The following KMT2A variants were observed in gnomAD, a reference collection of about 807,000 sequenced individuals.
KMT2A encodes histone-lysine N-methyltransferase 2A.
A neutral mutation model predicts 345.3 loss-of-function variants in KMT2A; 16 were observed. That is an observed-to-expected ratio of 0.05 (90% CI 0.03 to 0.07). The LOEUF is 0.07. Among genes scored for constraint, KMT2A ranks in the 10% least tolerant of loss-of-function variants. The pLI, the probability that KMT2A is intolerant of heterozygous loss-of-function variation, is 1.00. For synonymous variants in KMT2A, 1,599 were observed against 1,778.6 expected (o/e 0.90, Z 2.54); for missense variants, 3,272 against 4,841.6 (o/e 0.68, Z 9.62).
rs1950203148 is a variant in KMT2A at position 118,484,910 on chromosome 11, T to C, written c.4267T>C (p.Leu1423=). 1 of 1,614,082 alleles carries C rather than the reference T, an allele frequency of 6.2e-7. No individual in the cohort carries two copies. Among genetic ancestry groups the C allele is most frequent in the Non-Finnish European group, 8.5e-7 (1 of 1,179,944 alleles). The change falls in exon 10 of 36, where the codon TTG becomes CTG. Residue 1423 remains leucine (L), a synonymous_variant. Coordinates refer to ENST00000534358, the MANE Select transcript of KMT2A (RefSeq NM_001197104.2). This position sits in a 1 kb window ranked among gnomAD's most constrained non-coding sequence, Gnocchi z 4.1. Reference sequence around the variant, plus strand: ...GTGGGAGATGGGAGGCTTAGGAATCTTGACTTCTGTTCCTATAACACCCAG... The same window carrying C: ...GTGGGAGATGGGAGGCTTAGGAATCCTGACTTCTGTTCCTATAACACCCAG... ...NVWEMGGLGI[L]TSVPITPRVV... is the part of the protein sequence containing the mutation.
Position 118,481,769 on chromosome 11 carries a change from A to G in KMT2A, c.3689A>G (p.Glu1230Gly). 6.2e-7 allele frequency: 1 copy of G among 1,614,082 alleles called. No individual in the cohort carries two copies. The highest frequency in any genetic ancestry group is 8.5e-7 in the Non-Finnish European group (1 of 1,179,982). Residue 1230 changes from glutamate (E) to glycine (G), a missense_variant, in exon 7 of 36, where the codon GAG becomes GGG. By Grantham distance (98) the Glu-to-Gly change is moderately conservative (BLOSUM62 -2). Around this residue, in one of 27 missense-constraint regions of KMT2A, gnomAD observed 168 missense variants for 216.0 expected, o/e 0.78. Transcript: ENST00000534358. Reference protein sequence around the residue: ...SKTSEKKDSKESSVVKNVVDS... With the variant: ...SKTSEKKDSKGSSVVKNVVDS... The stretch of plus-strand genomic sequence containing the variant: ...ACCAGTGAAAAGAAAGACAGCAAAG[A>G]GAGCAGTGTTGTGAAGAACGTGGTG...
Position 118,521,820 on chromosome 11 carries a change from A to G in KMT2A, c.11644-77A>G, listed in dbSNP as rs1555053642. 6.8e-7 allele frequency: 1 copy of G among 1,476,862 alleles called. No individual in the cohort carries two copies. The highest frequency in any genetic ancestry group is 1.4e-5 in the African/African-American group (1 of 72,198). 91.5% of individuals were successfully genotyped at this position (1,476,862 alleles called of 1,614,324 possible). ...TTCTCAGCCGCTATAGGTAACATCA[A>G]GAGAAGATTGGGACATGTTCTTAAA... On this transcript the variant is annotated intron_variant, in intron 35 of 35. Coordinates refer to ENST00000534358, the MANE Select transcript of KMT2A (RefSeq NM_001197104.2). This position sits in a 1 kb window ranked among gnomAD's most constrained non-coding sequence, Gnocchi z 5.3.
intron 6 of KMT2A, among the ~76,000 whole-genome samples, chr11:118,481,381 T>C (rs1249430569): frequency 6.6e-6 from 1 of 152,238 alleles, no homozygotes; most frequent in Non-Finnish European, 1.5e-5. Flanking sequence ...CTTATTTCAC[T>C]TAACATAATG....
In KMT2A at chr11:118,506,072, G is replaced by C. The variant is rs782235007; in HGVS notation, c.10180G>C (p.Gly3394Arg). 14 of 1,614,150 alleles carry C rather than the reference G, an allele frequency of 8.7e-6. No homozygotes were observed. The Admixed American group carries it at 2.3e-4, about 27-fold the overall frequency. The change falls in exon 27 of 36, where the codon GGG (glycine) becomes CGG (arginine). Residue 3394 changes from glycine to arginine, a missense_variant. By Grantham distance (125) the Gly-to-Arg change is moderately radical. Transcript: ENST00000534358. The stretch of plus-strand genomic sequence containing the variant: ...AATCAAAGCTAGCCAGCAGAGCCTG[G>C]GGATTCAGGACCAGCCTGTGGCTTT... ...LLIKASQQSLGIQDQPVALPP... is the reference protein window; with the variant it reads ...LLIKASQQSLRIQDQPVALPP...
rs1950299066 is a variant in KMT2A, at chr11:118,489,946, G to A, written c.4575+59G>A. 3.3e-6 allele frequency: 5 copies of A among 1,513,390 alleles called. No individual in the cohort carries two copies. In the African/African-American group the frequency reaches 6.9e-5, roughly 21 times the overall value. The allele number at this position is 1,513,390 out of a possible 1,614,324, so 93.7% of individuals were successfully genotyped here. On this transcript the variant is annotated intron_variant, in intron 12 of 35. Coordinates refer to ENST00000534358, the MANE Select transcript of KMT2A (RefSeq NM_001197104.2). The stretch of plus-strand genomic sequence containing the variant: ...ACCACCATGTGACTATTGGACTTAT[G>A]TAACTTGTATTACAAATATCTATGC...
chr11:118,479,686 A>G (rs1555038675), intron 5 of KMT2A, among the ~76,000 whole-genome samples: 1 of 152,238 alleles, frequency 6.6e-6, no homozygotes, highest in Non-Finnish European at 1.5e-5. Context: ...GTGCAATTGT[A>G]GACTTCAGAT....
At chr11:118,447,684 A>T (rs1555027561) in intron 1 of KMT2A, 1 of 451,848 alleles carries the variant, frequency 2.2e-6, no homozygotes, top group East Asian at 7.0e-5. Flanking sequence ...GACTCAAAAG[A>T]TGATTATATG....
rs1555047454 is a variant in KMT2A at position 118,504,866 on chromosome 11, A to G, written c.8974A>G (p.Met2992Val). The G allele has an allele frequency of 6.2e-7, 1 of 1,614,186 alleles. No individual in the cohort carries two copies. The highest frequency in any genetic ancestry group is 1.7e-5 in the Admixed American group (1 of 60,018). Reference protein sequence around the residue: ...PGVDPTPEGHMTPDHFIQGHM... With the variant: ...PGVDPTPEGHVTPDHFIQGHM... ...AGTAGATCCAACTCCTGAAGGCCAC[A>G]TGACTCCTGATCATTTTATCCAAGG... Residue 2992 changes from methionine to valine, a missense_variant, in exon 27 of 36, where the codon ATG (methionine) becomes GTG (valine). Around this residue, in one of 27 missense-constraint regions of KMT2A, gnomAD observed 748 missense variants for 922.2 expected, o/e 0.81. Transcript: ENST00000534358. The surrounding 1 kb of genome is among the most constrained non-coding windows in gnomAD (Gnocchi z 6.4).
intron 1 of KMT2A, among the ~76,000 whole-genome samples, chr11:118,445,071 T>C (rs1949391033): frequency 6.6e-6 from 1 of 152,114 alleles, no homozygotes. Flanking sequence ...TTTTTTTTCA[T>C]CAAAATAACT....
chr11:118,506,760 G>A, intron 27 of KMT2A, 114 bp downstream of exon 27: 2 of 1,164,248 alleles, frequency 1.7e-6, no homozygotes, highest in Non-Finnish European at 2.4e-6. Context: ...TGCATTACCT[G>A]GGAGTTTTCC....
rs559424041 is a variant in KMT2A at position 118,476,746 on chromosome 11, G to A, written c.3157-59G>A. 4.0e-4 allele frequency: 579 copies of A among 1,434,568 alleles called. 3 individuals carry two copies. In the South Asian group the frequency reaches 5.8e-3, roughly 14 times the overall value. The allele number at this position is 1,434,568 out of a possible 1,614,324, so 88.9% of individuals were successfully genotyped here. A position where few individuals can be genotyped will look rare whatever the true frequency, so the allele number is the denominator to read the frequency against. Reference sequence around the variant, plus strand: ...AATTGATTAAGTATACCTTGGCTTCGTTCAGTTATAATTTCAACATGTATG... The same window carrying A: ...AATTGATTAAGTATACCTTGGCTTCATTCAGTTATAATTTCAACATGTATG... On this transcript the variant is annotated intron_variant, in intron 3 of 35. Coordinates refer to ENST00000534358, the MANE Select transcript of KMT2A (RefSeq NM_001197104.2). This position sits in a 1 kb window ranked among gnomAD's most constrained non-coding sequence, Gnocchi z 4.1.
Position 118,476,978 on chromosome 11 carries a change from T to A in KMT2A, c.3330T>A (p.Asn1110Lys), listed in dbSNP as rs1305392219. 6.2e-7 allele frequency: 1 copy of A among 1,613,974 alleles called. No individual in the cohort carries two copies. The highest frequency in any genetic ancestry group is 1.3e-5 in the African/African-American group (1 of 74,932). Residue 1110 changes from asparagine to lysine, a missense_variant, in exon 4 of 36, where the codon AAT becomes AAA. This residue lies in a region of KMT2A where 33 missense variants were observed against 46.5 expected (regional missense o/e 0.71). Coordinates refer to ENST00000534358, the MANE Select transcript of KMT2A (RefSeq NM_001197104.2). This position sits in a 1 kb window ranked among gnomAD's most constrained non-coding sequence, Gnocchi z 4.1. ...EREKILSSMG[N>K]DDKSSIAGSE... ...AAAAGATTTTGTCTTCCATGGGGAA[T>A]GATGGTAGGTCAAGAAGGTCAATCT...
chr11:118,473,339 C>T lies in KMT2A; in HGVS notation c.2180C>T (p.Ser727Phe), dbSNP rs1455532085. The T allele has an allele frequency of 1.2e-6, 2 of 1,613,806 alleles. No homozygotes were observed. The highest frequency in any genetic ancestry group is 2.7e-5 in the African/African-American group (2 of 74,868). Reference protein sequence around the residue: ...LPSNRTSAGTSSSGVSNRKRK... With the variant: ...LPSNRTSAGTFSSGVSNRKRK... Reference sequence around the variant, plus strand: ...AGTAATCGAACTTCTGCTGGAACATCTTCTTCAGGAGTATCCAATAGAAAA... The same window carrying T: ...AGTAATCGAACTTCTGCTGGAACATTTTCTTCAGGAGTATCCAATAGAAAA... Residue 727 changes from serine to phenylalanine, a missense_variant, in exon 3 of 36, where the codon TCT becomes TTT. By Grantham distance (155) the Ser-to-Phe change is radical (BLOSUM62 -2). Around this residue, in one of 27 missense-constraint regions of KMT2A, gnomAD observed 114 missense variants for 203.2 expected, o/e 0.56. Coordinates refer to ENST00000534358, the MANE Select transcript of KMT2A (RefSeq NM_001197104.2). This position sits in a 1 kb window ranked among gnomAD's most constrained non-coding sequence, Gnocchi z 5.2.
In KMT2A at chr11:118,502,524, G is replaced by A. The variant is rs140529566; in HGVS notation, c.6632G>A (p.Arg2211Gln). The A allele has an allele frequency of 3.1e-5, 50 of 1,613,870 alleles. No homozygotes were observed. The highest frequency in any genetic ancestry group is 4.5e-5 in the East Asian group (2 of 44,888). The change falls in exon 27 of 36, where the codon CGG (arginine) becomes CAG (glutamine). Residue 2211 changes from arginine to glutamine, a missense_variant. Around this residue, in one of 27 missense-constraint regions of KMT2A, gnomAD observed 445 missense variants for 500.9 expected, o/e 0.89. Coordinates refer to ENST00000534358, the MANE Select transcript of KMT2A (RefSeq NM_001197104.2). This position sits in a 1 kb window ranked among gnomAD's most constrained non-coding sequence, Gnocchi z 4.9. ...TTATCACCCCAGCGGTCCAAACTCC[G>A]GATAATGTCTCCAATGAGAACTGGG... ...SSLSPQRSKL[R>Q]IMSPMRTGNT...
intron 31 of KMT2A, among the ~76,000 whole-genome samples, chr11:118,512,727 A>G (rs1555050458): frequency 1.3e-5 from 2 of 151,190 alleles, no homozygotes; most frequent in African/African-American, 4.9e-5. Flanking sequence ...CAAAGTGGCT[A>G]TACCATTTTA....
intron 1 of KMT2A, among the ~76,000 whole-genome samples, chr11:118,442,205 G>T (rs1467366161): frequency 6.6e-6 from 1 of 152,290 alleles, no homozygotes; most frequent in East Asian, 1.9e-4. Context: ...CTCTGCCAAG[G>T]TGGAGAGCCC....
chr11:118,495,321 G>A lies in KMT2A; in HGVS notation c.5364-379G>A, dbSNP rs1167372407. Reference sequence around the variant, plus strand: ...AAACAGGCGGGCACCACCATGCCCAGCTAATTTTTGTATTTTAATAGAGAC... The same window carrying A: ...AAACAGGCGGGCACCACCATGCCCAACTAATTTTTGTATTTTAATAGAGAC... On this transcript the variant is annotated intron_variant, in intron 18 of 35. Transcript: ENST00000534358. The surrounding 1 kb of genome is among the most constrained non-coding windows in gnomAD (Gnocchi z 4.1). Among the ~76,000 whole-genome samples the A allele has an allele frequency of 2.0e-5, 3 of 152,030 alleles. No individual in the cohort carries two copies. Among genetic ancestry groups the A allele is most frequent in the Non-Finnish European group, 4.4e-5 (3 of 68,002 alleles).
At chr11:118,489,325 G>A (rs563379183) in intron 11 of KMT2A, among the ~76,000 whole-genome samples, 8 of 152,184 alleles carry the variant, frequency 5.3e-5, no homozygotes, top group Middle Eastern at 3.4e-3. Flanking sequence ...GGCATCCATG[G>A]ACTTTGGTAT....
intron 5 of KMT2A, among the ~76,000 whole-genome samples, chr11:118,479,432 A>G (rs1370610359): frequency 6.6e-6 from 1 of 152,234 alleles, no homozygotes; most frequent in African/African-American, 2.4e-5. Context: ...TATTTGCTGA[A>G]TGAGTGAGTC....
Sources: gnomAD v4.1 joint callset for allele counts (sites outside exome capture counted in the v4.1 genomes callset) on GRCh38, gnomAD v4.1.1 for gene constraint, gnomAD v4.1.1 regional missense constraint, Gnocchi (gnomAD v3.1) non-coding constraint, MANE v1.5 for transcripts, NCBI Gene and HGNC (gene_info 2026-07-23, HGNC 2026-07-21) for gene names.